ATRN: variants seen among roughly 807,000 people sequenced by gnomAD.
ATRN encodes attractin.
ATRN carries 54 observed loss-of-function variants against 178.7 expected under a neutral mutation model. The ratio of observed to expected loss-of-function variants is 0.30; its 90% CI spans 0.24 to 0.38. The LOEUF (loss-of-function observed/expected upper bound fraction) is 0.38. Among genes scored for constraint, ATRN ranks in the 10% least tolerant of loss-of-function variants. The pLI is 1.00. For synonymous variants in ATRN, 636 were observed against 663.0 expected (o/e 0.96, Z 0.63); for missense variants, 1,443 against 1,815.1 (o/e 0.79, Z 3.73).
chr20:3,585,566 A>G (rs371133403), intron 18 of ATRN, among the ~76,000 whole-genome samples: 2 of 152,324 alleles, frequency 1.3e-5, no homozygotes. Flanking sequence ...GGGACCTGCA[A>G]TTCTATTTTT....
chr20:3,619,899 A>G (rs1161679363), intron 24 of ATRN, among the ~76,000 whole-genome samples: 3 of 152,140 alleles, frequency 2.0e-5, no homozygotes, highest in Non-Finnish European at 1.5e-5. Flanking sequence ...ACAGGCTTGG[A>G]CATAGAATGA....
rs1395543700 is a variant in ATRN, at chr20:3,648,131, A to T, written c.*1284A>T. 6.6e-6 allele frequency: 1 copy of T among 152,238 alleles called. No homozygotes were observed. The highest frequency in any genetic ancestry group is 1.5e-5 in the Non-Finnish European group (1 of 68,076). 9.4% of individuals were successfully genotyped at this position (152,238 alleles called of 1,614,324 possible). A position where few individuals can be genotyped will look rare whatever the true frequency, so the allele number is the denominator to read the frequency against. On this transcript the variant is annotated 3_prime_UTR_variant, in exon 29 of 29. Coordinates refer to ENST00000262919, the MANE Select transcript of ATRN (RefSeq NM_139321.3). ...TCCCATTGTCAGGCAGAAGCTGCCC[A>T]AAGCCTGGAGAAGGACTTGTTTGCC...
intron 28 of ATRN, 21 bp from the exon 29 acceptor site, chr20:3,646,702 T>G (rs761281315): frequency 2.5e-6 from 4 of 1,580,018 alleles, no homozygotes; most frequent in Non-Finnish European, 3.4e-6. Context: ...CAGCATATGT[T>G]CTCTCTGTGG....
intron 24 of ATRN, among the ~76,000 whole-genome samples, chr20:3,617,306 AAAG>A (rs2086857671): frequency 1.3e-5 from 2 of 152,196 alleles, no homozygotes; most frequent in African/African-American, 2.4e-5. Context: ...CAAATTTTAC[AAAG>A]AAGAAAGTTC....
At position 3,471,179 on chromosome 20, in the gene ATRN, C is replaced by A; in HGVS notation, c.72C>A (p.Gly24=). ...CGGCGGCGACGGCAGCGCTCGCGGG[C>A]AGGAGCGGCGGGCCGCACTGGGACT... is the stretch of plus-strand genomic sequence containing the variant. The part of the protein sequence containing the change: ...RRTAATAALA[G]RSGGPHWDWD... Residue 24 remains glycine (G), a synonymous_variant, in exon 1 of 29, where the codon GGC becomes GGA. Coordinates refer to ENST00000262919, the MANE Select transcript of ATRN (RefSeq NM_139321.3). The A allele has an allele frequency of 6.7e-7, 1 of 1,503,088 alleles. No homozygotes were observed. Among genetic ancestry groups the A allele is most frequent in the Non-Finnish European group, 8.8e-7 (1 of 1,132,936 alleles). 93.1% of individuals were successfully genotyped at this position (1,503,088 alleles called of 1,614,324 possible).
chr20:3,489,910 T>C, intron 1 of ATRN: 2 of 1,276,978 alleles, frequency 1.6e-6, no homozygotes, highest in Non-Finnish European at 2.3e-6. Context: ...TTGTAAATGA[T>C]CTCGTTCTTT....
intron 26 of ATRN, among the ~76,000 whole-genome samples, chr20:3,635,929 A>C (rs1400906856): frequency 6.6e-5 from 10 of 152,230 alleles, no homozygotes; most frequent in African/African-American, 2.4e-4. Flanking sequence ...TTATATTTTC[A>C]ATTTAATTTA....
At chr20:3,500,191 C>T (rs1186866816) in intron 1 of ATRN, among the ~76,000 whole-genome samples, 1 of 152,120 alleles carries the variant, frequency 6.6e-6, no homozygotes, top group Non-Finnish European at 1.5e-5. Context: ...ACAACAGGTG[C>T]TGGAGAGGAT....
chr20:3,495,259 C>CT (rs2146096851), intron 1 of ATRN, among the ~76,000 whole-genome samples: 1 of 152,184 alleles, frequency 6.6e-6, no homozygotes, highest in South Asian at 2.1e-4. Flanking sequence ...AAGTCACTTA[C>CT]TTTAACACTT....
intron 24 of ATRN, among the ~76,000 whole-genome samples, chr20:3,620,638 C>T (rs1057187814): frequency 5.9e-5 from 9 of 152,176 alleles, no homozygotes; most frequent in Admixed American, 2.6e-4. Flanking sequence ...GATATAGAGA[C>T]AGGGATAGGG....
intron 1 of ATRN, among the ~76,000 whole-genome samples, chr20:3,515,010 A>G (rs531665043): frequency 6.6e-6 from 1 of 152,306 alleles, no homozygotes; most frequent in African/African-American, 2.4e-5. Flanking sequence ...GCTTGTACAA[A>G]GAATTTAGGA....
In ATRN at chr20:3,547,534, A is replaced by G. The variant is rs1397323685; in HGVS notation, c.943+45A>G. The G allele has an allele frequency of 6.3e-6, 9 of 1,419,456 alleles. No homozygotes were observed. The South Asian group carries it at 1.1e-4, about 17-fold the overall frequency. 87.9% of individuals were successfully genotyped at this position (1,419,456 alleles called of 1,614,324 possible). A position where few individuals can be genotyped will look rare whatever the true frequency, so the allele number is the denominator to read the frequency against. On this transcript the variant is annotated intron_variant, in intron 5 of 28. Transcript: ENST00000262919. ...TTATTTTTTCTTCCATTTATAGAACATTCCCACTAAATAAATTATAGATTG... is the reference window on the plus strand; with the variant it reads ...TTATTTTTTCTTCCATTTATAGAACGTTCCCACTAAATAAATTATAGATTG...
chr20:3,604,022 CTTA>C, intron 23 of ATRN, 80 bp from the exon 24 acceptor site: 2 of 1,186,836 alleles, frequency 1.7e-6, no homozygotes, highest in South Asian at 1.7e-5. Context: ...TGCTATTGTC[CTTA>C]TTATTAATGA....
chr20:3,543,964 G>C (rs2146196096), intron 3 of ATRN, among the ~76,000 whole-genome samples: 1 of 152,248 alleles, frequency 6.6e-6, no homozygotes, highest in Admixed American at 6.5e-5. Flanking sequence ...AGCCCAGGAG[G>C]TCAAGACTGC....
chr20:3,637,864 C>T (rs1052369911), intron 26 of ATRN, among the ~76,000 whole-genome samples: 2 of 152,156 alleles, frequency 1.3e-5, no homozygotes, highest in Non-Finnish European at 2.9e-5. Context: ...GTTTGTCCCT[C>T]TACTCTGCAA....
intron 27 of ATRN, among the ~76,000 whole-genome samples, chr20:3,639,425 G>C (rs1232555867): frequency 6.6e-6 from 1 of 152,030 alleles, no homozygotes; most frequent in Non-Finnish European, 1.5e-5. Context: ...GCTGATTTTT[G>C]TATTTTTAGT....
chr20:3,497,366 G>A (rs1338809868), intron 1 of ATRN, among the ~76,000 whole-genome samples: 2 of 151,894 alleles, frequency 1.3e-5, no homozygotes, highest in African/African-American at 2.4e-5. Flanking sequence ...GGTGGTGACA[G>A]AATCTCTCAG....
intron 3 of ATRN, among the ~76,000 whole-genome samples, chr20:3,542,808 T>TC (rs2085644696): frequency 1.3e-5 from 2 of 149,882 alleles, no homozygotes; most frequent in Non-Finnish European, 3.0e-5. Flanking sequence ...TGTATTTTTT[T>TC]TTTTTTTTTT....
intron 24 of ATRN, chr20:3,615,895 G>A (rs751840618): frequency 2.2e-6 from 1 of 448,428 alleles, no homozygotes; most frequent in Non-Finnish European, 4.5e-6. Flanking sequence ...GCCTGTTGTG[G>A]GGTGGGGGGA....
Sources: allele counts gnomAD v4.1 joint callset (sites outside exome capture counted in the v4.1 genomes callset), GRCh38; gene constraint gnomAD v4.1.1; transcripts MANE v1.5; gene names NCBI Gene and HGNC (gene_info 2026-07-23, HGNC 2026-07-21).